TNS3: variants seen among roughly 807,000 people sequenced by gnomAD.
TNS3 encodes tensin-3.
Under a neutral mutation model 140.9 loss-of-function variants are expected in TNS3, and 45 were observed. The observed-to-expected ratio is 0.32, with a 90% CI of 0.25 to 0.41. TNS3 has a LOEUF of 0.41. TNS3 is among the 10% of genes least tolerant of loss of function. TNS3 has a pLI of 1.00. For synonymous variants in TNS3, 815 were observed against 788.4 expected, an observed-to-expected ratio of 1.03 and a Z score of -0.56; for missense variants, 1,716 against 1,906.7, an observed-to-expected ratio of 0.90 and a Z score of 1.86.
At chr7:47,351,654 A>T (rs1006908384) in intron 17 of TNS3, among the ~76,000 whole-genome samples, 2 of 152,086 alleles carry the variant, frequency 1.3e-5, no homozygotes, top group Non-Finnish European at 2.9e-5. Context: ...GCCTCCCTTT[A>T]ACCCGTGCAC....
At chr7:47,313,932 C>T (rs890642966) in intron 20 of TNS3, among the ~76,000 whole-genome samples, 12 of 152,144 alleles carry the variant, frequency 7.9e-5, no homozygotes, top group African/African-American at 2.4e-4. Flanking sequence ...AGTTCCTGAC[C>T]GGGTGACAGG....
At chr7:47,395,849 C>T (rs1241125708) in intron 16 of TNS3, among the ~76,000 whole-genome samples, 1 of 152,168 alleles carries the variant, frequency 6.6e-6, no homozygotes, top group Non-Finnish European at 1.5e-5. Flanking sequence ...GTTGAAATTC[C>T]ATCCCACAAG....
At chr7:47,376,247 C>T (rs2151191931) in intron 16 of TNS3, among the ~76,000 whole-genome samples, 1 of 152,322 alleles carries the variant, frequency 6.6e-6, no homozygotes, top group Non-Finnish European at 1.5e-5. Context: ...CATTTCACGG[C>T]ATCCGAATAG....
chr7:47,460,943 T>C (rs920501201), intron 4 of TNS3, among the ~76,000 whole-genome samples: 1 of 152,220 alleles, frequency 6.6e-6, no homozygotes, highest in African/African-American at 2.4e-5. Flanking sequence ...TTTATGTGCA[T>C]CATATACCTT....
intron 17 of TNS3, among the ~76,000 whole-genome samples, chr7:47,350,322 C>T (rs573556439): frequency 6.6e-6 from 1 of 152,218 alleles, no homozygotes; most frequent in Non-Finnish European, 1.5e-5. Flanking sequence ...TTCTGTCTCT[C>T]GTGTGAATTT....
chr7:47,416,704 T>A (rs1018006742), intron 10 of TNS3, among the ~76,000 whole-genome samples: 2 of 152,140 alleles, frequency 1.3e-5, no homozygotes, highest in African/African-American at 4.8e-5. Context: ...GCAGGGTACT[T>A]TCTACCCTGG....
intron 20 of TNS3, among the ~76,000 whole-genome samples, chr7:47,325,625 C>A (rs1043553895): frequency 1.3e-5 from 2 of 152,194 alleles, no homozygotes; most frequent in Non-Finnish European, 2.9e-5. Flanking sequence ...TTGACTCTTA[C>A]TGTAAACTCA....
chr7:47,390,551 TTCA>T (rs1792452795), intron 16 of TNS3, among the ~76,000 whole-genome samples: 1 of 152,192 alleles, frequency 6.6e-6, no homozygotes. Context: ...TCTGGGAATG[TTCA>T]TCAAGGTATC....
At chr7:47,288,148 T>C (rs563578877) in intron 27 of TNS3, among the ~76,000 whole-genome samples, 1 of 152,292 alleles carries the variant, frequency 6.6e-6, no homozygotes, top group South Asian at 2.1e-4. Context: ...CATATAGGGC[T>C]GAATGGGCAG....
intron 1 of TNS3, among the ~76,000 whole-genome samples, chr7:47,540,032 T>C (rs1314250842): frequency 5.9e-5 from 9 of 152,158 alleles, no homozygotes; most frequent in Admixed American, 5.9e-4. Flanking sequence ...TCACTCCATC[T>C]TAAAGCCACA....
intron 4 of TNS3, among the ~76,000 whole-genome samples, chr7:47,467,728 C>T (rs937538319): frequency 1.3e-5 from 2 of 152,128 alleles, no homozygotes; most frequent in African/African-American, 2.4e-5. Context: ...CAGGAGACCA[C>T]AGATTCATAG....
At chr7:47,451,486 C>T (rs1032432324) in intron 4 of TNS3, among the ~76,000 whole-genome samples, 1 of 152,096 alleles carries the variant, frequency 6.6e-6, no homozygotes, top group East Asian at 1.9e-4. Context: ...GAGGCTAAGG[C>T]AGGAAAATCG....
chr7:47,503,647 A>G (rs1050428118), intron 3 of TNS3, among the ~76,000 whole-genome samples: 12 of 152,212 alleles, frequency 7.9e-5, no homozygotes, highest in African/African-American at 2.7e-4. Flanking sequence ...TCTGTTTATT[A>G]CAGAAACCTA....
In TNS3 at chr7:47,492,077, C is replaced by G. The variant is rs537636475; in HGVS notation, c.-114-10936G>C. Among the ~76,000 whole-genome samples the G allele has an allele frequency of 1.4e-4, 22 of 152,344 alleles. No homozygotes were observed. In the South Asian group the frequency reaches 4.4e-3, roughly 30 times the overall value. The stretch of plus-strand genomic sequence containing the variant: ...CCTGACTCTGAAGAAGCTGTAGGGG[C>G]CTACTGAGTGGGGACCTTAACTATT... On this transcript the variant is annotated intron_variant, in intron 3 of 30. Transcript: ENST00000311160.
At chr7:47,505,502 G>A (rs565559508) in intron 3 of TNS3, among the ~76,000 whole-genome samples, 9 of 152,314 alleles carry the variant, frequency 5.9e-5, no homozygotes, top group African/African-American at 1.2e-4. Context: ...CAGGAGGCCC[G>A]AGAAGTGCAC....
chr7:47,416,454 C>T (rs765252827), intron 10 of TNS3, among the ~76,000 whole-genome samples: 5 of 152,184 alleles, frequency 3.3e-5, no homozygotes, highest in Non-Finnish European at 7.3e-5. Flanking sequence ...TATAGTCCAC[C>T]CACTAGGAAA....
At chr7:47,514,332 C>CA (rs1798709613) in intron 2 of TNS3, among the ~76,000 whole-genome samples, 1 of 152,160 alleles carries the variant, frequency 6.6e-6, no homozygotes, top group African/African-American at 2.4e-5. Flanking sequence ...TGGCCCAAAG[C>CA]AAAAAACACA....
At chr7:47,474,181 C>T (rs530487999) in intron 4 of TNS3, among the ~76,000 whole-genome samples, 1 of 150,418 alleles carries the variant, frequency 6.6e-6, no homozygotes, top group South Asian at 2.1e-4. Flanking sequence ...CAACACCTCA[C>T]ACAACACACA....
chr7:47,517,737 C>T (rs769981807), intron 2 of TNS3, among the ~76,000 whole-genome samples: 4 of 152,118 alleles, frequency 2.6e-5, no homozygotes, highest in Non-Finnish European at 5.9e-5. Context: ...ACCGTGGATT[C>T]AATCAGGATG....
Sources: gnomAD v4.1 joint callset for allele counts (sites outside exome capture counted in the v4.1 genomes callset) on GRCh38, gnomAD v4.1.1 for gene constraint, MANE v1.5 for transcripts, NCBI Gene and HGNC (gene_info 2026-07-23, HGNC 2026-07-21) for gene names.